Variants in LY9 observed in about 807,000 individuals in gnomAD.
The protein encoded by LY9 is lymphocyte antigen 9.
Under a neutral mutation model 64.6 loss-of-function variants are expected in LY9, and 59 were observed. That is an observed-to-expected ratio of 0.91 (90% confidence interval 0.74 to 1.13). The LOEUF (loss-of-function observed/expected upper bound fraction) is 1.13, where lower values mean the gene tolerates loss of function less well. Among genes scored for constraint, LY9 ranks in the 50% most tolerant of loss-of-function variants. The pLI is 0.00. For synonymous variants in LY9, 281 were observed against 308.5 expected (o/e 0.91, Z 0.93); for missense variants, 789 against 797.2 (o/e 0.99, Z 0.12).
chr1:160,808,202 A>G (rs1667167320), intron 2 of LY9, among the ~76,000 whole-genome samples: 1 of 152,150 alleles, frequency 6.6e-6, no homozygotes. Flanking sequence ...AGTCTCAGTC[A>G]CAGCAGCATT....
At chr1:160,798,449 T>A (rs941750604) in intron 1 of LY9, among the ~76,000 whole-genome samples, 3 of 152,206 alleles carry the variant, frequency 2.0e-5, no homozygotes, top group Non-Finnish European at 4.4e-5. Context: ...TTACATAAAG[T>A]ACCTAATGCA....
At chr1:160,801,551 T>C (rs2101743950) in intron 2 of LY9, among the ~76,000 whole-genome samples, 2 of 152,338 alleles carry the variant, frequency 1.3e-5, no homozygotes, top group Middle Eastern at 6.8e-3. Context: ...CAAAAGCTTG[T>C]TAGTTTAAAT....
At chr1:160,802,119 G>A (rs1666554899) in intron 2 of LY9, 4 of 1,375,438 alleles carry the variant, frequency 2.9e-6, no homozygotes, top group Non-Finnish European at 3.8e-6. Context: ...CCGCCAACTT[G>A]GAGACTCCTG....
At chr1:160,817,204 T>C (rs56749557) in intron 5 of LY9, among the ~76,000 whole-genome samples, 7,207 of 152,316 alleles carry the variant, frequency 0.047, 554 homozygotes, top group African/African-American at 0.16. Context: ...ATTTTACACT[T>C]AGAGCACGTC....
At chr1:160,804,883 T>C (rs894415401) in intron 2 of LY9, among the ~76,000 whole-genome samples, 3 of 152,194 alleles carry the variant, frequency 2.0e-5, no homozygotes, top group Admixed American at 6.5e-5. Context: ...AGTATAGTTG[T>C]TCATAATAGT....
chr1:160,818,471 C>A, intron 6 of LY9, 152 bp downstream of exon 6: 1 of 588,364 alleles, frequency 1.7e-6, no homozygotes, highest in Non-Finnish European at 3.0e-6. Context: ...TCAGTTGGGA[C>A]TCTTTACTCA....
intron 1 of LY9, among the ~76,000 whole-genome samples, chr1:160,796,787 T>A (rs1665922265): frequency 1.3e-5 from 2 of 152,278 alleles, no homozygotes; most frequent in African/African-American, 4.8e-5. Flanking sequence ...CGGTCTCAAA[T>A]AGCTCTGGGC....
intron 5 of LY9, 82 bp downstream of exon 5, chr1:160,816,945 T>C: frequency 2.8e-6 from 4 of 1,426,798 alleles, no homozygotes; most frequent in Non-Finnish European, 2.9e-6. Context: ...CTTTATGAAG[T>C]GCAGTAAGAG....
intron 9 of LY9, among the ~76,000 whole-genome samples, chr1:160,825,433 G>C (rs1268325453): frequency 1.3e-5 from 2 of 152,070 alleles, no homozygotes; most frequent in African/African-American, 4.8e-5. Context: ...GATAGTACTT[G>C]GAAGTTCCAG....
At chr1:160,802,338 G>A (rs1015348431) in intron 2 of LY9, 2 of 988,544 alleles carry the variant, frequency 2.0e-6, no homozygotes, top group South Asian at 4.6e-5. Flanking sequence ...GCAGGCGCGG[G>A]AGGCCATCCG....
intron 2 of LY9, chr1:160,802,545 C>G (rs1224989626): frequency 1.0e-6 from 1 of 985,520 alleles, no homozygotes; most frequent in African/African-American, 1.7e-5. Context: ...GTTTGTTTTT[C>G]CAAGAAATGG....
intron 7 of LY9, 29 bp downstream of exon 7, chr1:160,819,403 G>T: frequency 1.3e-6 from 2 of 1,596,134 alleles, no homozygotes; most frequent in South Asian, 1.1e-5. Flanking sequence ...CAGGCTATGG[G>T]GTATCTGGTC....
intron 2 of LY9, 161 bp downstream of exon 2, chr1:160,800,243 AT>A (rs1666318444): frequency 1.7e-6 from 1 of 605,136 alleles, no homozygotes; most frequent in East Asian, 2.8e-5. Context: ...CCTGTTAAGT[AT>A]AGTCACCCTA....
At chr1:160,824,441 G>A in intron 9 of LY9, 192 bp downstream of exon 9, 1 of 985,292 alleles carries the variant, frequency 1.0e-6, no homozygotes, top group Non-Finnish European at 1.2e-6. Context: ...GTGACCAAAG[G>A]CTGAACATTT....
intron 7 of LY9, among the ~76,000 whole-genome samples, chr1:160,819,914 A>T (rs1668282712): frequency 6.6e-6 from 1 of 151,912 alleles, no homozygotes; most frequent in Non-Finnish European, 1.5e-5. Context: ...TACTGATTCC[A>T]AACCTGTATT....
At chr1:160,818,175 C>A in intron 5 of LY9, 43 bp from the exon 6 acceptor site, 1 of 1,317,602 alleles carries the variant, frequency 7.6e-7, no homozygotes, top group Non-Finnish European at 1.1e-6. Context: ...TCCAGTGTGT[C>A]TTGTCATTAT....
At position 160,802,154 on chromosome 1, in the gene LY9, G is replaced by A. The variant is rs1023617934; in HGVS notation, c.454+2072G>A. ...GGTCTGTGAAGAGCCGCTGACGCCCGCAGGAACCGGGCTGGGCCTTGTGTG... is the reference window on the plus strand; with the variant it reads ...GGTCTGTGAAGAGCCGCTGACGCCCACAGGAACCGGGCTGGGCCTTGTGTG... On this transcript the variant is annotated intron_variant, in intron 2 of 9. Transcript: ENST00000263285. 8 of 1,293,092 alleles carry A rather than the reference G, an allele frequency of 6.2e-6. No individual in the cohort carries two copies. In the East Asian group the frequency reaches 9.8e-5, roughly 16 times the overall value. The allele number at this position is 1,293,092 out of a possible 1,614,324, so 80.1% of individuals were successfully genotyped here.
chr1:160,823,163 G>A (rs1473031329), intron 7 of LY9, among the ~76,000 whole-genome samples: 1 of 152,202 alleles, frequency 6.6e-6, no homozygotes, highest in Non-Finnish European at 1.5e-5. Flanking sequence ...ATTTACCTTT[G>A]TGTTTCCCCA....
chr1:160,823,808 T>A lies in LY9; in HGVS notation c.1830+12T>A. The A allele has an allele frequency of 1.3e-6, 2 of 1,582,168 alleles. No homozygotes were observed. Among genetic ancestry groups the A allele is most frequent in the Non-Finnish European group, 1.7e-6 (2 of 1,152,750 alleles). ...TGTTCAACTTACAGGTGAGCCCTTCTGATCAATACACCTTCCTCCTCCTCC... is the reference window on the plus strand; with the variant it reads ...TGTTCAACTTACAGGTGAGCCCTTCAGATCAATACACCTTCCTCCTCCTCC... On this transcript the variant is annotated intron_variant, in intron 8 of 9. Transcript: ENST00000263285.
Sources: gnomAD v4.1 joint callset for allele counts (sites outside exome capture counted in the v4.1 genomes callset) on GRCh38, gnomAD v4.1.1 for gene constraint, MANE v1.5 for transcripts, NCBI Gene and HGNC (gene_info 2026-07-23, HGNC 2026-07-21) for gene names.